NCOA2: variants seen among roughly 807,000 people sequenced by gnomAD.
NCOA2 encodes nuclear receptor coactivator 2, also known as class E basic helix-loop-helix protein 75.
NCOA2 carries 21 observed loss-of-function variants against 145.1 expected under a neutral mutation model. That is an observed-to-expected ratio of 0.14 (90% confidence interval 0.10 to 0.21). The LOEUF (loss-of-function observed/expected upper bound fraction) is 0.21, where lower values mean the gene tolerates loss of function less well. Ranked by LOEUF, NCOA2 falls within the 10% of genes least tolerant of loss-of-function variation. The pLI, the probability that NCOA2 is intolerant of heterozygous loss-of-function variation, is 1.00. For synonymous variants in NCOA2, 619 were observed against 637.5 expected, an observed-to-expected ratio of 0.97 and a Z score of 0.44; for missense variants, 1,472 against 1,837.6, an observed-to-expected ratio of 0.80 and a Z score of 3.64.
At chr8:70,250,392 CAAAAAAAAAAAAAAAA>C (rs34008376) in intron 2 of NCOA2, among the ~76,000 whole-genome samples, 15 of 49,636 alleles carry the variant, frequency 3.0e-4, no homozygotes, top group African/African-American at 8.3e-4. Context: ...GACCCTGTCT[CAAAAAAAAAAAAAAAA>C]AAAAAAAAAA....
intron 2 of NCOA2, among the ~76,000 whole-genome samples, chr8:70,219,171 A>G (rs1456655842): frequency 6.6e-6 from 1 of 152,204 alleles, no homozygotes; most frequent in African/African-American, 2.4e-5. Context: ...TAGTCTAAGT[A>G]TAGTAAAATC....
chr8:70,121,231 C>T, intron 22 of NCOA2, 71 bp downstream of exon 22: 5 of 1,250,388 alleles, frequency 4.0e-6, no homozygotes, highest in Middle Eastern at 1.9e-4. Flanking sequence ...TATATCTATG[C>T]CACTTTTGGT....
At chr8:70,214,543 T>A (rs1271550794) in intron 3 of NCOA2, among the ~76,000 whole-genome samples, 2 of 152,190 alleles carry the variant, frequency 1.3e-5, no homozygotes. Context: ...AAACCAGATA[T>A]TTATAATTTT....
intron 2 of NCOA2, among the ~76,000 whole-genome samples, chr8:70,228,614 C>T (rs996526037): frequency 6.6e-6 from 1 of 151,990 alleles, no homozygotes; most frequent in African/African-American, 2.4e-5. Context: ...TTGCTCTCTA[C>T]CTGTTTCTTT....
intron 4 of NCOA2, among the ~76,000 whole-genome samples, chr8:70,209,621 G>A (rs1312341682): frequency 6.6e-6 from 1 of 152,170 alleles, no homozygotes; most frequent in Non-Finnish European, 1.5e-5. Context: ...CATCAACATT[G>A]AGGCAAGACC....
intron 1 of NCOA2, among the ~76,000 whole-genome samples, chr8:70,344,121 G>A (rs755319029): frequency 6.6e-6 from 1 of 152,156 alleles, no homozygotes; most frequent in African/African-American, 2.4e-5. Context: ...AGTTCTACAA[G>A]GACTAACTGG....
At chr8:70,145,149 ATTCT>A (rs1810893227) in intron 12 of NCOA2, among the ~76,000 whole-genome samples, 2 of 151,678 alleles carry the variant, frequency 1.3e-5, no homozygotes, top group Middle Eastern at 3.4e-3. Context: ...TCATTCATTC[ATTCT>A]CTCTCTCTCT....
At chr8:70,369,946 G>A (rs1011296936) in intron 1 of NCOA2, among the ~76,000 whole-genome samples, 2 of 151,888 alleles carry the variant, frequency 1.3e-5, no homozygotes, top group Non-Finnish European at 2.9e-5. Context: ...CTGTCGCCCA[G>A]GCTGGAGTGC....
rs1813648438 is a variant in NCOA2, at chr8:70,166,645, G to T, written c.651C>A (p.Asn217Lys). ...TTTCATATTTCTGATGAGCTTCCTG[G>T]TTATCATGACCCTCCTCTTCTGAAT... is the stretch of plus-strand genomic sequence containing the variant. Reference protein sequence around the residue: ...LPDSEEEGHDNQEAHQKYETM... With the variant: ...LPDSEEEGHDKQEAHQKYETM... Residue 217 changes from asparagine (N) to lysine (K), a missense_variant, in exon 7 of 23, where the codon AAC becomes AAA. Physicochemically the swap from Asn to Lys is moderately conservative, Grantham distance 94. Around this residue, in one of 4 missense-constraint regions of NCOA2, gnomAD observed 284 missense variants for 467.8 expected, o/e 0.61. Transcript: ENST00000452400. The T allele has an allele frequency of 6.2e-7, 1 of 1,613,814 alleles. No individual in the cohort carries two copies. Among genetic ancestry groups the T allele is most frequent in the Non-Finnish European group, 8.5e-7 (1 of 1,179,874 alleles).
chr8:70,159,427 C>G (rs1194943257), intron 10 of NCOA2, 78 bp downstream of exon 10: 6 of 1,300,192 alleles, frequency 4.6e-6, no homozygotes, highest in Non-Finnish European at 5.3e-6. Context: ...ATCCTCAAAG[C>G]TCTAAAATAA....
intron 4 of NCOA2, among the ~76,000 whole-genome samples, chr8:70,202,919 G>A (rs939512720): frequency 3.9e-5 from 6 of 152,140 alleles, no homozygotes; most frequent in Middle Eastern, 3.2e-3. Context: ...AGGGCTGGGC[G>A]CGGTAGCTTA....
rs182631931 is a variant in NCOA2 at position 70,363,612 on chromosome 8, G to C, written c.-77+40088C>G. 3.3e-5 allele frequency among the ~76,000 whole-genome samples: 5 copies of C among 152,110 alleles called. No homozygotes were observed. In the East Asian group the frequency reaches 9.7e-4, roughly 29 times the overall value. On this transcript the variant is annotated intron_variant, in intron 1 of 22. Coordinates refer to ENST00000452400, the MANE Select transcript of NCOA2 (RefSeq NM_006540.4). Reference sequence around the variant, plus strand: ...TATGAAATACTATCAGCAATAAAAAGGAATAAACTACTCATACACCCAACA... The same window carrying C: ...TATGAAATACTATCAGCAATAAAAACGAATAAACTACTCATACACCCAACA...
intron 2 of NCOA2, among the ~76,000 whole-genome samples, chr8:70,261,114 A>AT (rs1470825645): frequency 1.3e-5 from 2 of 152,228 alleles, no homozygotes; most frequent in Non-Finnish European, 2.9e-5. Flanking sequence ...ATATACCCAA[A>AT]GGATTATAAA....
At chr8:70,132,758 GT>G (rs1809281014) in intron 15 of NCOA2, among the ~76,000 whole-genome samples, 1 of 152,130 alleles carries the variant, frequency 6.6e-6, no homozygotes, top group Non-Finnish European at 1.5e-5. Context: ...TAGAGATGGC[GT>G]TTCGCCATGT....
intron 2 of NCOA2, among the ~76,000 whole-genome samples, chr8:70,245,595 C>T (rs1383552173): frequency 1.3e-5 from 2 of 151,980 alleles, no homozygotes; most frequent in Non-Finnish European, 2.9e-5. Context: ...CACATACACA[C>T]GTGCATGCAA....
At chr8:70,266,882 C>T (rs1209141007) in intron 2 of NCOA2, among the ~76,000 whole-genome samples, 3 of 152,204 alleles carry the variant, frequency 2.0e-5, no homozygotes, top group Non-Finnish European at 4.4e-5. Context: ...TCAACCTCAA[C>T]TACATTATGT....
At chr8:70,212,969 A>T (rs1819195728) in intron 4 of NCOA2, among the ~76,000 whole-genome samples, 1 of 151,922 alleles carries the variant, frequency 6.6e-6, no homozygotes, top group Non-Finnish European at 1.5e-5. Flanking sequence ...CTGTAATCCC[A>T]GCTACTCGGG....
chr8:70,138,333 C>A lies in NCOA2; in HGVS notation c.3029-1G>T. 1 of 1,594,496 alleles carries A rather than the reference C, an allele frequency of 6.3e-7. No individual in the cohort carries two copies. The highest frequency in any genetic ancestry group is 8.5e-7 in the Non-Finnish European group (1 of 1,173,108). On this transcript the variant is annotated splice_acceptor_variant, in intron 14 of 22. Coordinates refer to ENST00000452400, the MANE Select transcript of NCOA2 (RefSeq NM_006540.4). LOFTEE classifies it high-confidence loss of function. Reference sequence around the variant, plus strand: ...ATGTTCATCTCTAATTCAGATGGCCCTAGAAAGGGAGAAGAAAAAAATCTT... The same window carrying A: ...ATGTTCATCTCTAATTCAGATGGCCATAGAAAGGGAGAAGAAAAAAATCTT...
At chr8:70,273,084 T>C (rs768813237) in intron 2 of NCOA2, among the ~76,000 whole-genome samples, 1 of 152,212 alleles carries the variant, frequency 6.6e-6, no homozygotes, top group Non-Finnish European at 1.5e-5. Flanking sequence ...TATATAAATC[T>C]GCCAAAATTA....
Sources: allele counts gnomAD v4.1 joint callset (sites outside exome capture counted in the v4.1 genomes callset), GRCh38; gene constraint gnomAD v4.1.1; regional missense constraint gnomAD v4.1.1; transcripts MANE v1.5; gene names NCBI Gene and HGNC (gene_info 2026-07-23, HGNC 2026-07-21).